Variants in FBXL5 observed in about 807,000 individuals in gnomAD.
FBXL5 encodes F-box/LRR-repeat protein 5.
FBXL5 carries 26 observed loss-of-function variants against 78.3 expected under a neutral mutation model. The observed-to-expected ratio is 0.33, with a 90% CI of 0.24 to 0.46. The LOEUF (loss-of-function observed/expected upper bound fraction) is 0.46, where lower values mean the gene tolerates loss of function less well. Ranked by LOEUF, FBXL5 falls within the 20% of genes least tolerant of loss-of-function variation. FBXL5 has a pLI of 1.00. For synonymous variants in FBXL5, 295 were observed against 282.5 expected (o/e 1.04, Z -0.45); for missense variants, 710 against 829.2 (o/e 0.86, Z 1.77).
Position 15,630,297 on chromosome 4 carries a change from C to G in FBXL5, c.892+369G>C, listed in dbSNP as rs1195554294. ...AGTAAGTCGACTCAACAGTTTCATCCTATTTCCCTCAAGCCATAGATGACT... is the reference window on the plus strand; with the variant it reads ...AGTAAGTCGACTCAACAGTTTCATCGTATTTCCCTCAAGCCATAGATGACT... On this transcript the variant is annotated intron_variant, in intron 6 of 10. Coordinates refer to ENST00000341285, the MANE Select transcript of FBXL5 (RefSeq NM_012161.4). Among the ~76,000 whole-genome samples the G allele has an allele frequency of 5.3e-5, 8 of 152,236 alleles. No homozygotes were observed. In the South Asian group the frequency reaches 6.2e-4, roughly 12 times the overall value.
chr4:15,649,837 A>T lies in FBXL5; in HGVS notation c.85-5129T>A, dbSNP rs1577478477. 2.0e-5 allele frequency among the ~76,000 whole-genome samples: 3 copies of T among 152,310 alleles called. No homozygotes were observed. In the South Asian group the frequency reaches 6.2e-4, roughly 32 times the overall value. ...AAGTAGATATCAAAATCCTCATTTTACAGACTAACAAACAGAGTCTCAGGA... is the reference window on the plus strand; with the variant it reads ...AAGTAGATATCAAAATCCTCATTTTTCAGACTAACAAACAGAGTCTCAGGA... On this transcript the variant is annotated intron_variant, in intron 1 of 10. Coordinates refer to ENST00000341285, the MANE Select transcript of FBXL5 (RefSeq NM_012161.4).
At chr4:15,648,682 G>C (rs2148693189) in intron 1 of FBXL5, among the ~76,000 whole-genome samples, 1 of 152,300 alleles carries the variant, frequency 6.6e-6, no homozygotes, top group East Asian at 1.9e-4. Flanking sequence ...CAGAAGCAGA[G>C]AATATGAAAG....
At chr4:15,631,654 T>G (rs2148599713) in intron 5 of FBXL5, among the ~76,000 whole-genome samples, 1 of 152,380 alleles carries the variant, frequency 6.6e-6, no homozygotes, top group East Asian at 1.9e-4. Flanking sequence ...TAATTTGCAT[T>G]TCTCTGATGA....
intron 9 of FBXL5, among the ~76,000 whole-genome samples, chr4:15,618,974 T>C (rs1216213912): frequency 6.6e-6 from 1 of 151,322 alleles, no homozygotes; most frequent in Non-Finnish European, 1.5e-5. Flanking sequence ...AGCAACATGG[T>C]GAAACCCCAT....
intron 1 of FBXL5, among the ~76,000 whole-genome samples, chr4:15,673,850 C>T (rs934878642): frequency 3.9e-5 from 6 of 152,218 alleles, no homozygotes; most frequent in Non-Finnish European, 7.3e-5. Flanking sequence ...GTTCCCCTCT[C>T]CCTGTACTAT....
At position 15,625,318 on chromosome 4, in the gene FBXL5, T is replaced by A. The variant is rs141842445; in HGVS notation, c.1784A>T (p.Glu595Val). The change falls in exon 9 of 11, where the codon GAG (glutamate) becomes GTG (valine). Residue 595 changes from glutamate (E) to valine (V), a missense_variant. Glu to Val is a moderately radical substitution (Grantham distance 121). Transcript: ENST00000341285. Reference protein sequence around the residue: ...IYFGSEKSDQETGRVLLFLSL... With the variant: ...IYFGSEKSDQVTGRVLLFLSL... ...GAGAAACAGAAGTACACGTCCAGTC[T>A]CTTGATCAGATTTTTCACTCCCAAA... The A allele has an allele frequency of 2.5e-4, 402 of 1,614,090 alleles. No homozygotes were observed. Among genetic ancestry groups the A allele is most frequent in the Non-Finnish European group, 3.2e-4 (379 of 1,180,034 alleles).
chr4:15,659,293 T>C (rs1177935538), upstream of FBXL5, among the ~76,000 whole-genome samples: 1 of 152,196 alleles, frequency 6.6e-6, no homozygotes, highest in African/African-American at 2.4e-5. Context: ...CAAACCAAAA[T>C]ACTCCTGTTA....
chr4:15,620,137 T>C (rs1712333458), intron 9 of FBXL5, among the ~76,000 whole-genome samples: 1 of 152,142 alleles, frequency 6.6e-6, no homozygotes, highest in Admixed American at 6.5e-5. Flanking sequence ...TGCATTTCTA[T>C]ACATCAACAA....
intron 9 of FBXL5, among the ~76,000 whole-genome samples, chr4:15,620,732 G>A (rs766143007): frequency 2.0e-5 from 3 of 152,220 alleles, no homozygotes; most frequent in Admixed American, 1.3e-4. Flanking sequence ...TGGCCATAAC[G>A]CCCAAGCTGG....
Position 15,678,963 on chromosome 4 carries a change from AAAAC to A in FBXL5, c.-284+2416_-284+2419del, listed in dbSNP as rs370773003. On this transcript the variant is annotated intron_variant, in intron 1 of 4. Coordinates refer to the FBXL5 transcript ENST00000507899. The stretch of plus-strand genomic sequence containing the variant: ...AACTTTTACTGGTCAGCAGAAATAA[AAAAC>A]AAACCCTTCACAAACTACATTGATA... Among the ~76,000 whole-genome samples the A allele has an allele frequency of 1.1e-3, 161 of 152,320 alleles. 1 individual carries two copies. In the East Asian group the frequency reaches 0.021, roughly 20 times the overall value.
rs1433124628 is a variant in FBXL5, at chr4:15,611,040, AATGACATTCACTTTCACCAACTACG to A, written c.1999+1201_1999+1225del. Among the ~76,000 whole-genome samples, 5 of 152,088 alleles carry A rather than the reference AATGACATTCACTTTCACCAACTACG, an allele frequency of 3.3e-5. No individual in the cohort carries two copies. In the East Asian group the frequency reaches 5.8e-4, roughly 18 times the overall value. ...CATAGGCTTAGCATGTTGCAACTACAATGACATTCACTTTCACCAACTACGATGACATTCACTTTCACCAACTATG... is the reference window on the plus strand; with the variant it reads ...CATAGGCTTAGCATGTTGCAACTACAATGACATTCACTTTCACCAACTATG... On this transcript the variant is annotated intron_variant, in intron 10 of 10. Coordinates refer to ENST00000341285, the MANE Select transcript of FBXL5 (RefSeq NM_012161.4).
At chr4:15,615,217 GC>G (rs1228765244) in intron 9 of FBXL5, among the ~76,000 whole-genome samples, 1 of 152,138 alleles carries the variant, frequency 6.6e-6, no homozygotes, top group East Asian at 1.9e-4. Context: ...GGGCTCCTGT[GC>G]CGCCCCAGCC....
rs1722332151 is a variant in FBXL5, at chr4:15,612,392, GCCCT to G, written c.1869_1872del (p.Gly624CysfsTer15). ...AGATTAAGGTGCTCCAAATAAGGCAGCCCTCCTCCCAGAGTCAAAACCCTGTAAG... is the reference window on the plus strand; with the variant it reads ...AGATTAAGGTGCTCCAAATAAGGCAGCCTCCCAGAGTCAAAACCCTGTAAG... On this transcript the variant is annotated frameshift_variant, in exon 10 of 11. Coordinates refer to ENST00000341285, the MANE Select transcript of FBXL5 (RefSeq NM_012161.4). LOFTEE classifies it high-confidence loss of function. 6.2e-7 allele frequency: 1 copy of G among 1,610,130 alleles called. No homozygotes were observed.
chr4:15,657,271 A>C (rs949102208), upstream of FBXL5, among the ~76,000 whole-genome samples: 1 of 152,224 alleles, frequency 6.6e-6, no homozygotes, highest in Non-Finnish European at 1.5e-5. Flanking sequence ...CTCCATGAGA[A>C]CATGCACTTT....
At chr4:15,610,399 G>C (rs984804771) in intron 10 of FBXL5, among the ~76,000 whole-genome samples, 1 of 152,178 alleles carries the variant, frequency 6.6e-6, no homozygotes, top group Admixed American at 6.5e-5. Context: ...TATAAAAGGA[G>C]AGTTAATATT....
Position 15,636,673 on chromosome 4 carries a change from G to A in FBXL5, c.587C>T (p.Ala196Val). The A allele has an allele frequency of 6.5e-7, 1 of 1,540,582 alleles. No homozygotes were observed. Among genetic ancestry groups the A allele is most frequent in the East Asian group, 2.3e-5 (1 of 43,686 alleles). Reference protein sequence around the residue: ...YSVDEKSDKEAEVSEHSTGIT... With the variant: ...YSVDEKSDKEVEVSEHSTGIT... Reference sequence around the variant, plus strand: ...ACCTGTGGAGTGTTCTGACACTTCTGCTTCTGAAATAAAAAAGAAAAACTT... The same window carrying A: ...ACCTGTGGAGTGTTCTGACACTTCTACTTCTGAAATAAAAAAGAAAAACTT... Residue 196 changes from alanine (A) to valine (V), a missense_variant, in exon 5 of 11, where the codon GCA becomes GTA. Around this residue, in one of 4 missense-constraint regions of FBXL5, gnomAD observed 517 missense variants for 542.9 expected, o/e 0.95. Transcript: ENST00000341285.
upstream of FBXL5, among the ~76,000 whole-genome samples, chr4:15,662,397 A>T (rs1717354729): frequency 1.3e-5 from 2 of 152,236 alleles, no homozygotes; most frequent in African/African-American, 4.8e-5. Flanking sequence ...TATGAAAAAG[A>T]GTAAAATATA....
intron 10 of FBXL5, among the ~76,000 whole-genome samples, chr4:15,608,612 G>A (rs182455034): frequency 2.0e-5 from 3 of 151,318 alleles, no homozygotes; most frequent in African/African-American, 4.9e-5. Context: ...CAAGAACTCT[G>A]AATACATTTT....
intron 9 of FBXL5, among the ~76,000 whole-genome samples, chr4:15,612,937 A>C (rs1274488024): frequency 6.6e-6 from 1 of 152,218 alleles, no homozygotes; most frequent in African/African-American, 2.4e-5. Context: ...ACAGTTAGAA[A>C]GTAGAAACAA....
Sources: allele counts gnomAD v4.1 joint callset (sites outside exome capture counted in the v4.1 genomes callset), GRCh38; gene constraint gnomAD v4.1.1; regional missense constraint gnomAD v4.1.1; transcripts MANE v1.5; gene names NCBI Gene and HGNC (gene_info 2026-07-23, HGNC 2026-07-21).